The following LOC400499 variants were observed in gnomAD, a reference collection of about 807,000 sequenced individuals.
At chr16:11,447,858 T>A in the LOC400499 span, 2 of 1,453,372 alleles carry the variant, frequency 1.4e-6, no homozygotes, top group Non-Finnish European at 9.1e-7. Flanking sequence ...GCCCATCCTG[T>A]TCCCCCTGGG....
At chr16:11,421,799 T>C in the LOC400499 span, among the ~76,000 whole-genome samples, 11 of 152,222 alleles carry the variant, frequency 7.2e-5, no homozygotes, top group Non-Finnish European at 1.5e-4. Flanking sequence ...ACTACTAATG[T>C]ACTGATGGGT....
At chr16:11,383,405 C>T in the LOC400499 span, among the ~76,000 whole-genome samples, 1 of 152,162 alleles carries the variant, frequency 6.6e-6, no homozygotes, top group African/African-American at 2.4e-5. Context: ...CTCATGTGAA[C>T]TAATAGAGCA....
At chr16:11,455,155 T>G in the LOC400499 span, among the ~76,000 whole-genome samples, 3 of 152,130 alleles carry the variant, frequency 2.0e-5, no homozygotes, top group Non-Finnish European at 4.4e-5. Flanking sequence ...GTCACCATGA[T>G]AGGACACCAT....
At chr16:11,519,016 C>T in the LOC400499 span, 2 of 398,920 alleles carry the variant, frequency 5.0e-6, no homozygotes, top group Admixed American at 8.8e-5. Context: ...CTGTGATACC[C>T]CGGGAACTCG....
the LOC400499 span, among the ~76,000 whole-genome samples, chr16:11,464,665 G>C: frequency 1.1e-4 from 16 of 152,190 alleles, no homozygotes; most frequent in Non-Finnish European, 2.2e-4. Context: ...GGACTTGAAG[G>C]GGGGACCTCC....
the LOC400499 span, among the ~76,000 whole-genome samples, chr16:11,505,620 A>C: frequency 6.6e-6 from 1 of 151,128 alleles, no homozygotes; most frequent in African/African-American, 2.4e-5. Flanking sequence ...TGCTTGGCTT[A>C]TTTTTTGTAG....
the LOC400499 span, among the ~76,000 whole-genome samples, chr16:11,381,974 G>A: frequency 1.3e-5 from 2 of 148,676 alleles, no homozygotes; most frequent in East Asian, 2.0e-4. Flanking sequence ...ACGGAGTCTT[G>A]CTCTGTTGTT....
the LOC400499 span, chr16:11,411,415 C>T: frequency 6.3e-5 from 25 of 398,438 alleles, no homozygotes; most frequent in African/African-American, 5.1e-4. Context: ...AAGGGGACTT[C>T]CCCGAGAGAG....
At chr16:11,374,435 A>G in the LOC400499 span, among the ~76,000 whole-genome samples, 1 of 152,222 alleles carries the variant, frequency 6.6e-6, no homozygotes, top group Non-Finnish European at 1.5e-5. Flanking sequence ...AATCTCTGGA[A>G]CTCAGTAAAT....
chr16:11,512,588 A>C, the LOC400499 span, among the ~76,000 whole-genome samples: 1 of 152,106 alleles, frequency 6.6e-6, no homozygotes, highest in South Asian at 2.1e-4. Context: ...GCGACAAAGC[A>C]AGCCTCCATC....
the LOC400499 span, chr16:11,383,514 T>C: frequency 2.9e-6 from 3 of 1,046,896 alleles, no homozygotes; most frequent in Non-Finnish European, 3.7e-6. Context: ...TTAATAAATG[T>C]TGTGACTCTT....
At chr16:11,500,511 A>AAATAATAATAATAATAAT in the LOC400499 span, among the ~76,000 whole-genome samples, 18,638 of 143,650 alleles carry the variant, frequency 0.13, 1,371 homozygotes, top group Middle Eastern at 0.16. Flanking sequence ...ACTCCGTCCT[A>AAATAATAATAATAATAAT]AATAATAATA....
chr16:11,522,669 A>C, the LOC400499 span, among the ~76,000 whole-genome samples: 1 of 152,240 alleles, frequency 6.6e-6, no homozygotes, highest in Non-Finnish European at 1.5e-5. Context: ...ACTGAGGCTC[A>C]GAGAGGTTAA....
chr16:11,495,769 C>A, the LOC400499 span, among the ~76,000 whole-genome samples: 3 of 151,946 alleles, frequency 2.0e-5, no homozygotes, highest in African/African-American at 7.3e-5. Flanking sequence ...TTATCATTCC[C>A]ATTTTGCAGA....
At chr16:11,429,828 T>G in the LOC400499 span, among the ~76,000 whole-genome samples, 5 of 150,964 alleles carry the variant, frequency 3.3e-5, no homozygotes, top group Non-Finnish European at 7.4e-5. Context: ...CATTTGGCAA[T>G]CATCATAACA....
chr16:11,479,353 C>T, the LOC400499 span, among the ~76,000 whole-genome samples: 1 of 152,032 alleles, frequency 6.6e-6, no homozygotes, highest in South Asian at 2.1e-4. Flanking sequence ...GTAGCTCATG[C>T]CTCTAGTCCC....
the LOC400499 span, among the ~76,000 whole-genome samples, chr16:11,386,382 C>A: frequency 6.6e-6 from 1 of 152,246 alleles, no homozygotes; most frequent in Admixed American, 6.5e-5. Context: ...CTGAGAGGCA[C>A]AGAGAAGCCC....
the LOC400499 span, among the ~76,000 whole-genome samples, chr16:11,509,437 C>G: frequency 6.6e-6 from 1 of 151,100 alleles, no homozygotes; most frequent in African/African-American, 2.4e-5. Context: ...TATCCTTTAA[C>G]AGAAACAAGT....
At chr16:11,374,726 C>T in the LOC400499 span, among the ~76,000 whole-genome samples, 10 of 152,288 alleles carry the variant, frequency 6.6e-5, no homozygotes, top group Admixed American at 5.9e-4. Context: ...TGTCAGTGGA[C>T]ACTTGGGTTG....
Sources: gnomAD v4.1 joint callset for allele counts (sites outside exome capture counted in the v4.1 genomes callset) on GRCh38, gnomAD v4.1.1 for gene constraint, MANE v1.5 for transcripts.